Variants in KIAA1217 observed in about 807,000 individuals in gnomAD.
The protein encoded by KIAA1217 is KIAA1217.
Under a neutral mutation model 163.9 loss-of-function variants are expected in KIAA1217, and 88 were observed. The ratio of observed to expected loss-of-function variants is 0.54; its 90% CI spans 0.45 to 0.64. The LOEUF is 0.64. Ranked by LOEUF, KIAA1217 falls within the 30% of genes least tolerant of loss-of-function variation. The probability of loss-of-function intolerance (pLI) is 0.00; values close to 1 mark genes in which losing one functional copy is unlikely to be tolerated. For synonymous variants in KIAA1217, 903 were observed against 923.1 expected (o/e 0.98, Z 0.39); for missense variants, 2,372 against 2,475.0 (o/e 0.96, Z 0.88).
intron 2 of KIAA1217, among the ~76,000 whole-genome samples, chr10:24,162,007 G>A (rs1266861932): frequency 6.6e-6 from 1 of 152,194 alleles, no homozygotes; most frequent in Non-Finnish European, 1.5e-5. Flanking sequence ...GAAAAACAAA[G>A]GAGGTATATC....
At chr10:23,817,012 G>T (rs1837339308) in intron 1 of KIAA1217, among the ~76,000 whole-genome samples, 1 of 152,206 alleles carries the variant, frequency 6.6e-6, no homozygotes, top group Non-Finnish European at 1.5e-5. Context: ...TGCAGAATAT[G>T]TATTGCAGAA....
At chr10:24,067,582 C>A (rs932196899) in intron 2 of KIAA1217, among the ~76,000 whole-genome samples, 1 of 152,208 alleles carries the variant, frequency 6.6e-6, no homozygotes, top group South Asian at 2.1e-4. Context: ...TTAGGCTACT[C>A]GGGGGTCAGG....
At chr10:23,928,282 T>C (rs1843113223) in intron 1 of KIAA1217, among the ~76,000 whole-genome samples, 1 of 152,208 alleles carries the variant, frequency 6.6e-6, no homozygotes, top group Admixed American at 6.5e-5. Flanking sequence ...TTCTAGCTCT[T>C]TCTTTGAAAG....
intron 1 of KIAA1217, among the ~76,000 whole-genome samples, chr10:23,898,418 C>T (rs897987890): frequency 2.0e-5 from 3 of 151,818 alleles, no homozygotes; most frequent in Non-Finnish European, 2.9e-5. Flanking sequence ...CATTGAAGAC[C>T]TCATGTACCA....
At chr10:23,734,185 C>A (rs1838650032) in intron 1 of KIAA1217, among the ~76,000 whole-genome samples, 2 of 152,094 alleles carry the variant, frequency 1.3e-5, no homozygotes, top group Non-Finnish European at 2.9e-5. Context: ...CCAATCTCTG[C>A]ACTTATGTTT....
At chr10:23,759,963 C>T (rs1266752106) in intron 1 of KIAA1217, among the ~76,000 whole-genome samples, 1 of 152,210 alleles carries the variant, frequency 6.6e-6, no homozygotes, top group Non-Finnish European at 1.5e-5. Flanking sequence ...TTTGACTTGA[C>T]ACCATATCCC....
At chr10:24,038,374 A>T (rs1848483899) in intron 2 of KIAA1217, among the ~76,000 whole-genome samples, 1 of 152,172 alleles carries the variant, frequency 6.6e-6, no homozygotes, top group African/African-American at 2.4e-5. Context: ...AGACATGTGA[A>T]GTCTGTTTCT....
At chr10:24,098,737 G>A (rs533366970) in intron 2 of KIAA1217, among the ~76,000 whole-genome samples, 4 of 151,664 alleles carry the variant, frequency 2.6e-5, no homozygotes, top group South Asian at 4.2e-4. Context: ...GTGTGTGTGT[G>A]TGTGTGTGTG....
chr10:24,030,363 C>T (rs1368467714), intron 2 of KIAA1217, among the ~76,000 whole-genome samples: 1 of 152,012 alleles, frequency 6.6e-6, no homozygotes, highest in Non-Finnish European at 1.5e-5. Flanking sequence ...TGAGGGAGTT[C>T]TCATGAGATC....
At chr10:24,353,814 C>A (rs2048750088) in intron 2 of KIAA1217, among the ~76,000 whole-genome samples, 1 of 152,312 alleles carries the variant, frequency 6.6e-6, no homozygotes, top group East Asian at 1.9e-4. Context: ...GAGCATTACA[C>A]TTCTTCAAGA....
chr10:24,185,789 C>T (rs966475270), intron 2 of KIAA1217, among the ~76,000 whole-genome samples: 2 of 151,358 alleles, frequency 1.3e-5, no homozygotes, highest in African/African-American at 4.9e-5. Flanking sequence ...GAGCAAAATT[C>T]CGTCTCAAAA....
chr10:24,184,137 G>T (rs11818503), intron 2 of KIAA1217, among the ~76,000 whole-genome samples: 2,563 of 152,322 alleles, frequency 0.017, 24 homozygotes, highest in Middle Eastern at 0.058. Flanking sequence ...GCCAGTGAGT[G>T]AAGACTTGGG....
Position 24,544,278 on chromosome 10 carries a change from G to A in KIAA1217, c.5008G>A (p.Glu1670Lys), listed in dbSNP as rs1564910545. The change falls in exon 19 of 21, where the codon GAG (glutamate) becomes AAG (lysine). Residue 1670 changes from glutamate to lysine, a missense_variant. Physicochemically the swap from Glu to Lys is moderately conservative, Grantham distance 56. This residue lies in a region of KIAA1217 where 690 missense variants were observed against 677.5 expected (regional missense o/e 1.02). Transcript: ENST00000376454. ...KNTYRTLDSL[E>K]QTIKQLENTI... ...CACCTACAGAACATTGGATAGCCTG[G>A]AGCAGACCATTAAACAGCTCGAAAA... The A allele has an allele frequency of 6.2e-7, 1 of 1,614,054 alleles. No homozygotes were observed. Among genetic ancestry groups the A allele is most frequent in the South Asian group, 1.1e-5 (1 of 91,074 alleles).
At chr10:23,954,392 C>A (rs1844466997) in intron 1 of KIAA1217, among the ~76,000 whole-genome samples, 1 of 152,020 alleles carries the variant, frequency 6.6e-6, no homozygotes, top group Non-Finnish European at 1.5e-5. Flanking sequence ...TAGCAAGATC[C>A]CATCTCTACA....
chr10:24,388,327 A>G (rs2054313917), intron 3 of KIAA1217, among the ~76,000 whole-genome samples: 1 of 152,222 alleles, frequency 6.6e-6, no homozygotes, highest in Non-Finnish European at 1.5e-5. Flanking sequence ...TTTATTTAAT[A>G]AATGGTGCCG....
rs181719185 is a variant in KIAA1217, at chr10:24,011,979, T to C, written c.-171+4605T>C. 3.7e-3 allele frequency among the ~76,000 whole-genome samples: 551 copies of C among 149,986 alleles called. 4 individuals are homozygous for C. Among genetic ancestry groups the C allele is most frequent in the African/African-American group, 0.012 (472 of 40,310 alleles). On this transcript the variant is annotated intron_variant, in intron 2 of 18. Transcript: ENST00000376462. ...GCATTATTTCATGTTCAGATGGAAATGACAGTGACATTTCATTTGACCAAG... is the reference window on the plus strand; with the variant it reads ...GCATTATTTCATGTTCAGATGGAAACGACAGTGACATTTCATTTGACCAAG...
At chr10:23,709,971 T>A (rs896536179) in intron 1 of KIAA1217, among the ~76,000 whole-genome samples, 3 of 152,232 alleles carry the variant, frequency 2.0e-5, no homozygotes, top group African/African-American at 7.2e-5. Context: ...GAGTTAATTA[T>A]CTGATTTTCT....
chr10:23,806,661 G>T (rs891615971), intron 1 of KIAA1217, among the ~76,000 whole-genome samples: 7 of 151,996 alleles, frequency 4.6e-5, no homozygotes, highest in Admixed American at 3.9e-4. Context: ...TTTTTTGCTA[G>T]CCTAGTTGAA....
chr10:24,136,114 G>A (rs891454413), intron 2 of KIAA1217, among the ~76,000 whole-genome samples: 5 of 152,158 alleles, frequency 3.3e-5, no homozygotes, highest in Admixed American at 6.5e-5. Context: ...ACTCTAAGGA[G>A]GAGATAAAAG....
Sources: gnomAD v4.1 joint callset for allele counts (sites outside exome capture counted in the v4.1 genomes callset) on GRCh38, gnomAD v4.1.1 for gene constraint, gnomAD v4.1.1 regional missense constraint, MANE v1.5 for transcripts, NCBI Gene and HGNC (gene_info 2026-07-23, HGNC 2026-07-21) for gene names.